The following CCDC33 variants were observed in gnomAD, a reference collection of about 807,000 sequenced individuals.
CCDC33 encodes coiled-coil domain-containing protein 33.
In CCDC33, 94 loss-of-function variants were observed where a neutral mutation model predicts 91.9. The observed-to-expected ratio is 1.02, with a 90% CI of 0.87 to 1.21. The LOEUF is 1.21. Among genes scored for constraint, CCDC33 ranks in the 50% most tolerant of loss-of-function variants. CCDC33 has a pLI of 0.00. For missense variants in CCDC33, 940 were observed against 935.5 expected (o/e 1.00, Z -0.06); for synonymous variants, 396 against 374.5 (o/e 1.06, Z -0.66).
chr15:74,330,883 G>A (rs1338376146), intron 13 of CCDC33, 98 bp from the exon 14 acceptor site: 26 of 1,514,472 alleles, frequency 1.7e-5, no homozygotes, highest in Non-Finnish European at 9.0e-7. Context: ...GGACCAGCCT[G>A]GTGGAGGATT....
chr15:74,292,045 C>A (rs80130835), intron 10 of CCDC33, among the ~76,000 whole-genome samples: 1 of 152,218 alleles, frequency 6.6e-6, no homozygotes, highest in Non-Finnish European at 1.5e-5. Context: ...TCTTAATGAA[C>A]CAGGATGTGC....
chr15:74,227,204 G>A (rs1160482570), intron 2 of CCDC33, among the ~76,000 whole-genome samples: 2 of 152,224 alleles, frequency 1.3e-5, no homozygotes, highest in Non-Finnish European at 2.9e-5. Context: ...GCCCAAGGCA[G>A]TCAGTAGCAA....
At chr15:74,227,818 C>T (rs2074848882) in intron 2 of CCDC33, among the ~76,000 whole-genome samples, 1 of 152,134 alleles carries the variant, frequency 6.6e-6, no homozygotes, top group South Asian at 2.1e-4. Flanking sequence ...ACTATTTTCT[C>T]ATCTGTAAAA....
intron 2 of CCDC33, among the ~76,000 whole-genome samples, chr15:74,253,301 A>G (rs351159): frequency 0.63 from 96,203 of 151,968 alleles, 31,158 homozygotes; most frequent in Non-Finnish European, 0.71. Flanking sequence ...ATCCCTCCAG[A>G]CTTTATGTAG....
At chr15:74,230,625 G>A (rs989216206) in intron 2 of CCDC33, among the ~76,000 whole-genome samples, 39 of 152,150 alleles carry the variant, frequency 2.6e-4, no homozygotes, top group African/African-American at 5.6e-4. Flanking sequence ...GTCCAACAAC[G>A]AGAACATCAC....
chr15:74,281,358 T>C (rs1215878531), intron 9 of CCDC33, among the ~76,000 whole-genome samples: 1 of 152,212 alleles, frequency 6.6e-6, no homozygotes, highest in Non-Finnish European at 1.5e-5. Flanking sequence ...ATAAAATGGG[T>C]ACATGGCAAT....
chr15:74,295,711 G>A (rs12906159), intron 10 of CCDC33, 43 bp from the exon 11 acceptor site: 1 of 1,534,076 alleles, frequency 6.5e-7, no homozygotes, highest in Non-Finnish European at 8.9e-7. Context: ...TGGGCACAGA[G>A]AAGGGGCCTG....
At chr15:74,331,162 G>C (rs765798924) in intron 14 of CCDC33, 41 bp from the exon 15 acceptor site, 7 of 1,613,868 alleles carry the variant, frequency 4.3e-6, no homozygotes, top group Middle Eastern at 3.3e-4. Context: ...TGGCAGAGTA[G>C]GGAGCCCCTG....
At chr15:74,327,173 G>A (rs994801506) in intron 11 of CCDC33, among the ~76,000 whole-genome samples, 1 of 152,142 alleles carries the variant, frequency 6.6e-6, no homozygotes, top group Non-Finnish European at 1.5e-5. Flanking sequence ...TGGGGGAGGG[G>A]GATAGGCACC....
At chr15:74,217,294 C>A in exon 1 of CCDC33, 1 of 1,282,680 alleles carries the variant, frequency 7.8e-7, no homozygotes, top group South Asian at 1.3e-5. Flanking sequence ...GGGCCTGAAC[C>A]CTGGGTCTCT....
intron 2 of CCDC33, among the ~76,000 whole-genome samples, chr15:74,222,864 A>G (rs114876514): frequency 0.015 from 1,922 of 131,842 alleles, 38 homozygotes; most frequent in African/African-American, 0.052. Flanking sequence ...GCGCTCTCCC[A>G]GCCCCAGGCA....
At chr15:74,241,506 C>T (rs1293221307) in intron 1 of CCDC33, among the ~76,000 whole-genome samples, 2 of 152,122 alleles carry the variant, frequency 1.3e-5, no homozygotes, top group East Asian at 3.9e-4. Flanking sequence ...CCACAGGGCC[C>T]GTGGGACAAG....
intron 10 of CCDC33, among the ~76,000 whole-genome samples, chr15:74,291,325 T>C (rs74481515): frequency 0.015 from 2,266 of 152,380 alleles, 46 homozygotes; most frequent in East Asian, 0.086. Context: ...GGGGAACTGC[T>C]GCACAGGGCT....
chr15:74,242,431 T>C (rs1053710284), intron 1 of CCDC33, among the ~76,000 whole-genome samples: 4 of 152,270 alleles, frequency 2.6e-5, no homozygotes, highest in Middle Eastern at 3.4e-3. Context: ...CTCTATGTAA[T>C]AGGACATTGT....
At chr15:74,229,873 GA>G (rs2074913352) in intron 2 of CCDC33, among the ~76,000 whole-genome samples, 1 of 152,262 alleles carries the variant, frequency 6.6e-6, no homozygotes, top group South Asian at 2.1e-4. Context: ...TCCTGTCCCA[GA>G]GAAGCCCACA....
chr15:74,299,538 G>T (rs2059751785), intron 11 of CCDC33: 1 of 152,274 alleles, frequency 6.6e-6, no homozygotes, highest in Non-Finnish European at 1.5e-5. Flanking sequence ...ATTTTACAAA[G>T]GGTGGCAATG....
chr15:74,230,669 A>G (rs985553369), intron 2 of CCDC33, among the ~76,000 whole-genome samples: 2 of 152,170 alleles, frequency 1.3e-5, no homozygotes, highest in Non-Finnish European at 2.9e-5. Context: ...TCCTGTTGCC[A>G]AAGCTTGGGC....
rs148998814 is a variant in CCDC33, at chr15:74,203,193, T to A, written n.89+95T>A. 129 of 981,374 alleles carry A rather than the reference T, an allele frequency of 1.3e-4. 2 individuals are homozygous for A. The East Asian group carries it at 8.5e-3, about 65-fold the overall frequency. 60.8% of individuals were successfully genotyped at this position (981,374 alleles called of 1,614,324 possible). A position where few individuals can be genotyped will look rare whatever the true frequency, so the allele number is the denominator to read the frequency against. On this transcript the variant is annotated intron_variant and non_coding_transcript_variant, in intron 1 of 3. Coordinates refer to the CCDC33 transcript ENST00000558645. ...GGGTTTCCATGAAGGAGGCAACATG[T>A]GTCTCATTGGTAAACCCTTTTTGTT...
At chr15:74,221,850 T>TC (rs1382144591) in intron 2 of CCDC33, among the ~76,000 whole-genome samples, 1 of 152,084 alleles carries the variant, frequency 6.6e-6, no homozygotes, top group Non-Finnish European at 1.5e-5. Flanking sequence ...ACTACACTCG[T>TC]CCCACCCCCT....
Sources: allele counts gnomAD v4.1 joint callset (sites outside exome capture counted in the v4.1 genomes callset), GRCh38; gene constraint gnomAD v4.1.1; transcripts MANE v1.5; gene names NCBI Gene and HGNC (gene_info 2026-07-23, HGNC 2026-07-21).